The following FAAH2 variants were observed in gnomAD, a reference collection of about 807,000 sequenced individuals.
The protein encoded by FAAH2 is fatty-acid amide hydrolase 2.
In FAAH2, 60 loss-of-function variants were observed where a neutral mutation model predicts 36.9. The observed-to-expected ratio is 1.63, with a 90% CI of 1.32 to 2.02. The LOEUF (loss-of-function observed/expected upper bound fraction) is 2.02. Among genes scored for constraint, FAAH2 ranks in the 30% most tolerant of loss-of-function variants. The probability of loss-of-function intolerance (pLI) is 0.00; values close to 1 mark genes in which losing one functional copy is unlikely to be tolerated. For synonymous variants in FAAH2, 214 were observed against 143.8 expected (o/e 1.49, Z -3.49); for missense variants, 689 against 397.5 (o/e 1.73, Z -6.23).
the FAAH2 span, among the ~76,000 whole-genome samples, chrX:57,181,575 C>A: frequency 9.0e-6 from 1 of 111,363 alleles, no homozygotes; most frequent in Non-Finnish European, 1.9e-5. Flanking sequence ...TCAAAGAAAT[C>A]AGGATGACAC....
the FAAH2 span, among the ~76,000 whole-genome samples, chrX:57,191,117 TTC>T: frequency 8.9e-6 from 1 of 111,864 alleles, no homozygotes; most frequent in African/African-American, 3.3e-5. Context: ...AGTGTATGAG[TTC>T]TCTCTTCTCT....
intron 5 of FAAH2, among the ~76,000 whole-genome samples, chrX:57,359,230 C>T (rs2054231554): frequency 9.0e-6 from 1 of 111,124 alleles, no homozygotes; most frequent in African/African-American, 3.3e-5. Context: ...TGATTTTACT[C>T]CTAAGAGATC....
chrX:57,406,749 C>T (rs887940472), intron 7 of FAAH2, among the ~76,000 whole-genome samples: 2 of 112,740 alleles, frequency 1.8e-5, no homozygotes, highest in African/African-American at 6.4e-5. Flanking sequence ...GGTCTGCACT[C>T]TGTGGCAGGG....
At chrX:57,246,821 ACT>A in the FAAH2 span, among the ~76,000 whole-genome samples, 2 of 111,347 alleles carry the variant, frequency 1.8e-5, no homozygotes, top group African/African-American at 6.5e-5. Flanking sequence ...TATATGGGAC[ACT>A]CAAAACACTT....
At chrX:57,370,724 T>C (rs1391889591) in intron 5 of FAAH2, among the ~76,000 whole-genome samples, 1 of 112,138 alleles carries the variant, frequency 8.9e-6, no homozygotes, top group East Asian at 2.8e-4. Context: ...AAGTTTTGCC[T>C]TCTGTTAGAT....
At chrX:57,388,513 C>A (rs1054101812) in intron 7 of FAAH2, among the ~76,000 whole-genome samples, 3 of 110,746 alleles carry the variant, frequency 2.7e-5, no homozygotes, top group African/African-American at 9.8e-5. Context: ...ATATATTTAC[C>A]AAAAGATTGA....
At chrX:57,486,229 C>A (rs1366496438) in intron 10 of FAAH2, among the ~76,000 whole-genome samples, 2 of 111,617 alleles carry the variant, frequency 1.8e-5, no homozygotes, top group African/African-American at 6.5e-5. Context: ...CCACCTGGGA[C>A]AAGACACATT....
At chrX:57,380,020 T>A (rs2054799664) in intron 6 of FAAH2, among the ~76,000 whole-genome samples, 1 of 110,861 alleles carries the variant, frequency 9.0e-6, no homozygotes, top group African/African-American at 3.3e-5. Context: ...TTGGGCTACA[T>A]GAGATATTTT....
the FAAH2 span, among the ~76,000 whole-genome samples, chrX:57,217,640 G>A: frequency 8.9e-6 from 1 of 111,987 alleles, no homozygotes; most frequent in South Asian, 3.7e-4. Context: ...ATTGGTCTAT[G>A]TGCCTATTTT....
the FAAH2 span, among the ~76,000 whole-genome samples, chrX:57,191,198 G>A: frequency 4.5e-5 from 5 of 111,933 alleles, no homozygotes; most frequent in Non-Finnish European, 7.5e-5. Flanking sequence ...GAGTGAGATA[G>A]TATCTCATTG....
intron 7 of FAAH2, among the ~76,000 whole-genome samples, chrX:57,409,741 G>A (rs990811505): frequency 9.1e-6 from 1 of 110,100 alleles, no homozygotes; most frequent in African/African-American, 3.3e-5. Context: ...GTTTCCACTT[G>A]TTATGTCTAC....
At chrX:57,443,230 C>A (rs189051322) in intron 8 of FAAH2, among the ~76,000 whole-genome samples, 1 of 111,874 alleles carries the variant, frequency 8.9e-6, no homozygotes, top group Non-Finnish European at 1.9e-5. Flanking sequence ...CCATTCTCAC[C>A]GTCACTTTCA....
chrX:57,453,814 C>G (rs749682680), intron 10 of FAAH2, among the ~76,000 whole-genome samples: 1 of 112,137 alleles, frequency 8.9e-6, no homozygotes, highest in African/African-American at 3.2e-5. Context: ...GGTGGCCAAG[C>G]AAGGGTGAGC....
intron 7 of FAAH2, among the ~76,000 whole-genome samples, chrX:57,387,649 A>T (rs1462843291): frequency 3.6e-5 from 4 of 111,598 alleles, no homozygotes; most frequent in Non-Finnish European, 5.7e-5. Flanking sequence ...GATAGATCCC[A>T]TAGCCTATAT....
intron 3 of FAAH2, among the ~76,000 whole-genome samples, chrX:57,325,205 G>T (rs1305481387): frequency 8.9e-6 from 1 of 111,883 alleles, no homozygotes; most frequent in Non-Finnish European, 1.9e-5. Flanking sequence ...GATCATGGTG[G>T]ATAAGCTTTT....
intron 2 of FAAH2, among the ~76,000 whole-genome samples, chrX:57,304,103 G>T (rs2052453324): frequency 9.0e-6 from 1 of 111,221 alleles, no homozygotes; most frequent in Non-Finnish European, 1.9e-5. Context: ...GCTACTCAGG[G>T]GGCCGAGGCA....
chrX:57,382,762 T>C (rs1419921489), intron 7 of FAAH2, among the ~76,000 whole-genome samples: 2 of 111,259 alleles, frequency 1.8e-5, no homozygotes, highest in Non-Finnish European at 3.8e-5. Flanking sequence ...GAGGAGCTGG[T>C]ACCATTCCTT....
the FAAH2 span, among the ~76,000 whole-genome samples, chrX:57,236,632 C>A: frequency 8.9e-6 from 1 of 111,860 alleles, no homozygotes; most frequent in Non-Finnish European, 1.9e-5. Flanking sequence ...TGCCTGCTGG[C>A]CCTTTGTATG....
At chrX:57,272,206 A>G in the FAAH2 span, among the ~76,000 whole-genome samples, 21 of 109,138 alleles carry the variant, frequency 1.9e-4, no homozygotes, top group South Asian at 2.0e-3. Flanking sequence ...CAGAGAAAAA[A>G]AAAAAGTATA....
Sources: gnomAD v4.1 joint callset for allele counts (sites outside exome capture counted in the v4.1 genomes callset) on GRCh38, gnomAD v4.1.1 for gene constraint, MANE v1.5 for transcripts, NCBI Gene and HGNC (gene_info 2026-07-23, HGNC 2026-07-21) for gene names.